QTMAN: variants seen among roughly 807,000 people sequenced by gnomAD.
The protein encoded by QTMAN is queuosine-tRNA mannosyltransferase.
At chr2:143,968,743 T>G in the QTMAN span, among the ~76,000 whole-genome samples, 1 of 152,150 alleles carries the variant, frequency 6.6e-6, no homozygotes, top group Non-Finnish European at 1.5e-5. Context: ...TGAGCTGATC[T>G]TTTCTTTCCT....
At chr2:144,283,779 C>T in the QTMAN span, among the ~76,000 whole-genome samples, 1 of 151,804 alleles carries the variant, frequency 6.6e-6, no homozygotes, top group Non-Finnish European at 1.5e-5. Context: ...ATGAAGAAAA[C>T]TAAGTTACTA....
chr2:144,100,870 T>TTTC, the QTMAN span, among the ~76,000 whole-genome samples: 67 of 129,094 alleles, frequency 5.2e-4, no homozygotes, highest in African/African-American at 1.9e-3. Context: ...TTTTTTTTTT[T>TTTC]TTTTTTTTTT....
At chr2:144,022,950 CA>C in the QTMAN span, among the ~76,000 whole-genome samples, 4 of 152,210 alleles carry the variant, frequency 2.6e-5, no homozygotes, top group South Asian at 6.2e-4. Flanking sequence ...TTTAGTCCTT[CA>C]AAAAATATGC....
At chr2:144,201,767 G>C in the QTMAN span, among the ~76,000 whole-genome samples, 1 of 152,138 alleles carries the variant, frequency 6.6e-6, no homozygotes, top group African/African-American at 2.4e-5. Context: ...AACTAGTCTG[G>C]AGGAATTTTG....
At chr2:144,055,342 C>G in the QTMAN span, among the ~76,000 whole-genome samples, 41 of 150,340 alleles carry the variant, frequency 2.7e-4, no homozygotes, top group Middle Eastern at 3.4e-3. Flanking sequence ...CAGACACACA[C>G]ACACACACAC....
At chr2:144,234,987 T>C in the QTMAN span, among the ~76,000 whole-genome samples, 46 of 152,312 alleles carry the variant, frequency 3.0e-4, no homozygotes, top group African/African-American at 1.1e-3. Flanking sequence ...ATGATTTACT[T>C]TGGCTGGTAA....
At chr2:143,964,135 T>C in the QTMAN span, 3 of 152,148 alleles carry the variant, frequency 2.0e-5, no homozygotes, top group Admixed American at 6.5e-5. Context: ...GAATGTGATA[T>C]AATAAAATGT....
the QTMAN span, among the ~76,000 whole-genome samples, chr2:144,255,798 C>A: frequency 6.6e-6 from 1 of 152,160 alleles, no homozygotes; most frequent in Non-Finnish European, 1.5e-5. Flanking sequence ...TACTGTTTGT[C>A]AAAATGCATA....
chr2:144,122,206 G>A, the QTMAN span, among the ~76,000 whole-genome samples: 1 of 152,122 alleles, frequency 6.6e-6, no homozygotes, highest in Non-Finnish European at 1.5e-5. Context: ...AAGACAAGGA[G>A]AAAGAGAAGA....
the QTMAN span, among the ~76,000 whole-genome samples, chr2:144,033,444 C>T: frequency 6.6e-6 from 1 of 152,184 alleles, no homozygotes; most frequent in African/African-American, 2.4e-5. Context: ...ATGCATAGGA[C>T]AAACCACAGG....
the QTMAN span, among the ~76,000 whole-genome samples, chr2:144,094,559 T>G: frequency 6.6e-6 from 1 of 152,116 alleles, no homozygotes; most frequent in Non-Finnish European, 1.5e-5. Flanking sequence ...GGAGAATAAG[T>G]GCAAGCAGGG....
the QTMAN span, among the ~76,000 whole-genome samples, chr2:144,008,848 T>C: frequency 1.3e-5 from 2 of 152,166 alleles, no homozygotes; most frequent in African/African-American, 4.8e-5. Flanking sequence ...CATAGGTCAC[T>C]GGCTACTTCG....
chr2:144,086,954 C>T, the QTMAN span, among the ~76,000 whole-genome samples: 1 of 152,136 alleles, frequency 6.6e-6, no homozygotes, highest in African/African-American at 2.4e-5. Flanking sequence ...CACCAGATCA[C>T]TTTCATTTCT....
chr2:144,133,405 A>ATATT, the QTMAN span, among the ~76,000 whole-genome samples: 1 of 58,464 alleles, frequency 1.7e-5, no homozygotes, highest in African/African-American at 8.1e-5. Context: ...ATATAAATAT[A>ATATT]ATATATTATA....
the QTMAN span, among the ~76,000 whole-genome samples, chr2:144,036,006 C>T: frequency 6.6e-6 from 1 of 152,134 alleles, no homozygotes; most frequent in Admixed American, 6.6e-5. Flanking sequence ...CATGTAATTT[C>T]CTGGTTGGTG....
At chr2:143,972,338 C>T in the QTMAN span, among the ~76,000 whole-genome samples, 1 of 152,060 alleles carries the variant, frequency 6.6e-6, no homozygotes, top group Non-Finnish European at 1.5e-5. Context: ...GTGATAGTAT[C>T]ACCATAGGGA....
chr2:144,214,522 G>T, the QTMAN span, among the ~76,000 whole-genome samples: 4 of 152,136 alleles, frequency 2.6e-5, no homozygotes, highest in East Asian at 7.7e-4. Context: ...TCCATTATTT[G>T]GTTAGGAGAC....
At chr2:144,204,742 C>A in the QTMAN span, among the ~76,000 whole-genome samples, 1 of 151,774 alleles carries the variant, frequency 6.6e-6, no homozygotes, top group African/African-American at 2.4e-5. Context: ...TGGAACCAGC[C>A]CAAATGTCCA....
the QTMAN span, among the ~76,000 whole-genome samples, chr2:144,121,329 T>A: frequency 9.9e-5 from 15 of 152,100 alleles, no homozygotes; most frequent in African/African-American, 3.6e-4. Context: ...CTGGCAAACT[T>A]CATTTAACCC....
Sources: allele counts gnomAD v4.1 joint callset (sites outside exome capture counted in the v4.1 genomes callset), GRCh38; gene constraint gnomAD v4.1.1; transcripts MANE v1.5; gene names NCBI Gene and HGNC (gene_info 2026-07-23, HGNC 2026-07-21).